Variants in SLC25A30 observed in about 807,000 individuals in gnomAD.
SLC25A30 encodes the protein kidney mitochondrial carrier protein 1.
Under a neutral mutation model 42.7 loss-of-function variants are expected in SLC25A30, and 29 were observed. The ratio of observed to expected loss-of-function variants is 0.68; its 90% CI spans 0.51 to 0.93. The LOEUF is 0.93. Among genes scored for constraint, SLC25A30 ranks in the 40% least tolerant of loss-of-function variants. The pLI is 0.00. For missense variants in SLC25A30, 300 were observed against 359.7 expected, an observed-to-expected ratio of 0.83 and a Z score of 1.34; for synonymous variants, 124 against 131.0, an observed-to-expected ratio of 0.95 and a Z score of 0.37.
intron 1 of SLC25A30, among the ~76,000 whole-genome samples, chr13:45,413,418 C>T (rs370148268): frequency 2.6e-5 from 4 of 152,298 alleles, no homozygotes; most frequent in African/African-American, 7.2e-5. Flanking sequence ...TTCCTTAACC[C>T]ATTCTTAGAC....
Position 45,393,708 on chromosome 13 carries a change from T to C in SLC25A30, c.*2266A>G. 1.0e-6 allele frequency: 1 copy of C among 985,404 alleles called. No homozygotes were observed. The highest frequency in any genetic ancestry group is 1.2e-6 in the Non-Finnish European group (1 of 829,928). The allele number at this position is 985,404 out of a possible 1,614,324, so 61.0% of individuals were successfully genotyped here. On this transcript the variant is annotated 3_prime_UTR_variant, in exon 10 of 10. Coordinates refer to ENST00000519676, the MANE Select transcript of SLC25A30 (RefSeq NM_001010875.4). ...TTTCTTGGTTAGAAGCTTCAACAATTGCATTAACTCTTTCAAAAAAACAGA... is the reference window on the plus strand; with the variant it reads ...TTTCTTGGTTAGAAGCTTCAACAATCGCATTAACTCTTTCAAAAAAACAGA...
At chr13:45,415,676 C>T (rs1032949016) in intron 1 of SLC25A30, among the ~76,000 whole-genome samples, 1 of 146,352 alleles carries the variant, frequency 6.8e-6, no homozygotes, top group South Asian at 2.2e-4. Context: ...GCTTTGAACC[C>T]GGGAGGCAGA....
intron 2 of SLC25A30, among the ~76,000 whole-genome samples, chr13:45,410,070 T>C (rs1882868454): frequency 6.6e-6 from 1 of 152,144 alleles, no homozygotes. Flanking sequence ...GACTGAGCCC[T>C]GGAAGCAATG....
the SLC25A30 span, among the ~76,000 whole-genome samples, chr13:45,424,029 ATATT>A: frequency 9.6e-6 from 1 of 104,336 alleles, no homozygotes; most frequent in African/African-American, 4.1e-5. Context: ...GTAAAAATAT[ATATT>A]TATATAAATA....
intron 5 of SLC25A30, among the ~76,000 whole-genome samples, chr13:45,404,020 T>C (rs1882260326): frequency 6.6e-6 from 1 of 151,804 alleles, no homozygotes; most frequent in African/African-American, 2.4e-5. Flanking sequence ...TCCATCTATA[T>C]TTAATGAACC....
the SLC25A30 span, among the ~76,000 whole-genome samples, chr13:45,428,209 TTTTTTA>T: frequency 1.3e-5 from 2 of 151,998 alleles, no homozygotes; most frequent in South Asian, 4.2e-4. Flanking sequence ...CTTTCTTTCT[TTTTTTA>T]TTTTTATTTT....
the SLC25A30 span, among the ~76,000 whole-genome samples, chr13:45,424,766 A>G: frequency 6.7e-5 from 4 of 59,452 alleles, no homozygotes; most frequent in African/African-American, 2.8e-4. Flanking sequence ...ATAAATATAT[A>G]AATATATATA....
chr13:45,422,262 T>G (rs1181595035), upstream of SLC25A30, among the ~76,000 whole-genome samples: 5 of 152,146 alleles, frequency 3.3e-5, no homozygotes, highest in African/African-American at 1.2e-4. Context: ...TCTCACAGGT[T>G]TTTCTGGATG....
In SLC25A30 at chr13:45,411,365, A is replaced by G. The variant is rs1157505913; in HGVS notation, c.61T>C (p.Cys21Arg). The stretch of plus-strand genomic sequence containing the variant: ...TCCACCACCCTCAGGTCCTTACCGC[A>G]CTCAGCAGTGATGGAGGCCAGCCCC... ...YGGLASITAECGTFPIDLTKT... is the reference protein window; with the variant it reads ...YGGLASITAERGTFPIDLTKT... Residue 21 changes from cysteine to arginine, a missense_variant, in exon 2 of 10, where the codon TGC becomes CGC. Coordinates refer to ENST00000519676, the MANE Select transcript of SLC25A30 (RefSeq NM_001010875.4). 2.5e-6 allele frequency: 4 copies of G among 1,613,236 alleles called. No individual in the cohort carries two copies. Among genetic ancestry groups the G allele is most frequent in the South Asian group, 2.2e-5 (2 of 91,070 alleles).
In SLC25A30 at chr13:45,408,910, C is replaced by T. The variant is rs763083921; in HGVS notation, c.212+17G>A. The T allele has an allele frequency of 6.9e-6, 11 of 1,591,126 alleles. No individual in the cohort carries two copies. The highest frequency in any genetic ancestry group is 2.7e-5 in the African/African-American group (2 of 74,088). ...AACAGTGAACAGTGACACAGAAATG[C>T]ATGAAGGCCTACTCACCCCGAGTAG... is the stretch of plus-strand genomic sequence containing the variant. On this transcript the variant is annotated intron_variant, in intron 3 of 9. Transcript: ENST00000519676.
At chr13:45,397,148 CAAAAT>C (rs1238038925) in intron 9 of SLC25A30, 105 bp downstream of exon 9, 1 of 798,998 alleles carries the variant, frequency 1.3e-6, no homozygotes, top group African/African-American at 1.8e-5. Flanking sequence ...CAGAGGAACT[CAAAAT>C]AATCAGAACC....
chr13:45,419,652 G>A (rs1007033054), upstream of SLC25A30, among the ~76,000 whole-genome samples: 1 of 151,422 alleles, frequency 6.6e-6, no homozygotes, highest in Non-Finnish European at 1.5e-5. Context: ...AACTGGGGCC[G>A]GGCTCAGTGG....
upstream of SLC25A30, among the ~76,000 whole-genome samples, chr13:45,420,944 C>T (rs143313711): frequency 3.8e-3 from 574 of 152,116 alleles, 2 homozygotes; most frequent in Non-Finnish European, 6.5e-3. Context: ...TTTCAGTGTC[C>T]ATTATGAAAA....
chr13:45,418,940 CAAAAAAAAAAAAAAAAAAAAAAAAAAA>C (rs1168457204), upstream of SLC25A30, among the ~76,000 whole-genome samples: 117 of 14,910 alleles, frequency 7.8e-3, 1 homozygote, highest in South Asian at 0.1. Context: ...GACTTCGTCT[CAAAAAAAAAAAAAAAAAAAAAAAAAAA>C]AAAAAAAAAA....
chr13:45,412,175 A>G (rs1883092008), intron 1 of SLC25A30, among the ~76,000 whole-genome samples: 1 of 151,844 alleles, frequency 6.6e-6, no homozygotes, highest in South Asian at 2.1e-4. Context: ...ACTAGAGCGT[A>G]GTGGCACAAA....
the SLC25A30 span, among the ~76,000 whole-genome samples, chr13:45,423,858 A>ATAAATATATG: frequency 1.4e-5 from 1 of 72,990 alleles, no homozygotes; most frequent in Non-Finnish European, 2.5e-5. Flanking sequence ...AAATATATAT[A>ATAAATATATG]TAAATATATA....
At chr13:45,432,201 T>A in the SLC25A30 span, among the ~76,000 whole-genome samples, 1 of 148,784 alleles carries the variant, frequency 6.7e-6, no homozygotes, top group South Asian at 2.1e-4. Context: ...CTCTGGGAGG[T>A]GAAGATTGCA....
upstream of SLC25A30, among the ~76,000 whole-genome samples, chr13:45,420,560 C>T (rs1267407799): frequency 1.3e-5 from 2 of 152,184 alleles, no homozygotes; most frequent in African/African-American, 2.4e-5. Context: ...CCTCCCTTTC[C>T]TGTAGAGCTT....
intron 1 of SLC25A30, among the ~76,000 whole-genome samples, chr13:45,415,770 G>A (rs1055149535): frequency 8.7e-5 from 12 of 137,316 alleles, no homozygotes; most frequent in Middle Eastern, 3.8e-3. Context: ...AAAAAAGAAA[G>A]AAAGCTGTTG....
Sources: gnomAD v4.1 joint callset for allele counts (sites outside exome capture counted in the v4.1 genomes callset) on GRCh38, gnomAD v4.1.1 for gene constraint, MANE v1.5 for transcripts, NCBI Gene and HGNC (gene_info 2026-07-23, HGNC 2026-07-21) for gene names.